DGKZ: variants seen among roughly 807,000 people sequenced by gnomAD.
DGKZ encodes DAG kinase zeta.
Under a neutral mutation model 142.5 loss-of-function variants are expected in DGKZ, and 45 were observed. That is an observed-to-expected ratio of 0.32 (90% CI 0.25 to 0.40). The LOEUF is 0.40. Among genes scored for constraint, DGKZ ranks in the 10% least tolerant of loss-of-function variants. The pLI, the probability that DGKZ is intolerant of heterozygous loss-of-function variation, is 1.00. For synonymous variants in DGKZ, 442 were observed against 527.0 expected (o/e 0.84, Z 2.21); for missense variants, 755 against 1,306.5 (o/e 0.58, Z 6.51).
In DGKZ at chr11:46,379,578, C is replaced by G; in HGVS notation, c.2688+10C>G. The G allele has an allele frequency of 6.3e-7, 1 of 1,599,882 alleles. No individual in the cohort carries two copies. Among genetic ancestry groups the G allele is most frequent in the Non-Finnish European group, 8.5e-7 (1 of 1,173,626 alleles). ...GAAGACAGACCAGCAGGTGAGCAGA[C>G]GGCAGGCAGGGAGCCCACGAGGGCA... is the stretch of plus-strand genomic sequence containing the variant. On this transcript the variant is annotated intron_variant, in intron 30 of 30. Transcript: ENST00000527911.
In DGKZ at chr11:46,367,225, A is replaced by G. The variant is rs1000596637; in HGVS notation, c.162-66A>G. 4.2e-6 allele frequency: 6 copies of G among 1,435,326 alleles called. No homozygotes were observed. The African/African-American group carries it at 7.1e-5, about 17-fold the overall frequency. The allele number at this position is 1,435,326 out of a possible 1,614,324, so 88.9% of individuals were successfully genotyped here. On this transcript the variant is annotated intron_variant, in intron 1 of 30. Coordinates refer to ENST00000527911, the Ensembl canonical transcript of DGKZ. This position sits in a 1 kb window ranked among gnomAD's most constrained non-coding sequence, Gnocchi z 4.1. ...AGGTCACGGAAAGGGCAGAGGCCCCAGGAGGTGGGAGGAAGTAGGGTCAGC... is the reference window on the plus strand; with the variant it reads ...AGGTCACGGAAAGGGCAGAGGCCCCGGGAGGTGGGAGGAAGTAGGGTCAGC...
intron 1 of DGKZ, among the ~76,000 whole-genome samples, chr11:46,351,660 C>CTCTCA (rs1941403443): frequency 6.6e-6 from 1 of 152,188 alleles, no homozygotes; most frequent in South Asian, 2.1e-4. Flanking sequence ...CTGGGAGCAG[C>CTCTCA]CCAGGTTGCT....
At chr11:46,363,811 A>G (rs1366547206) in intron 1 of DGKZ, among the ~76,000 whole-genome samples, 1 of 152,212 alleles carries the variant, frequency 6.6e-6, no homozygotes, top group Non-Finnish European at 1.5e-5. Flanking sequence ...GAGGGCTGGC[A>G]GGCCGGTGCC....
At chr11:46,363,386 A>G (rs1942893599) in intron 1 of DGKZ, among the ~76,000 whole-genome samples, 1 of 152,188 alleles carries the variant, frequency 6.6e-6, no homozygotes, top group Non-Finnish European at 1.5e-5. Flanking sequence ...CACACAGGGA[A>G]ACTGAGGCCC....
chr11:46,356,207 A>G (rs543959105), intron 1 of DGKZ, among the ~76,000 whole-genome samples: 1 of 152,258 alleles, frequency 6.6e-6, no homozygotes, highest in South Asian at 2.1e-4. Flanking sequence ...TTGGGAGGCT[A>G]AGGGAGATAT....
chr11:46,373,484 T>G (rs1426883670), intron 14 of DGKZ, among the ~76,000 whole-genome samples: 2 of 145,662 alleles, frequency 1.4e-5, no homozygotes, highest in East Asian at 3.9e-4. Flanking sequence ...TTTTTTTTTC[T>G]TGTTTTTTTT....
At chr11:46,351,761 T>C (rs7951870) in intron 1 of DGKZ, among the ~76,000 whole-genome samples, 50,359 of 152,108 alleles carry the variant, frequency 0.33, 14,101 homozygotes, top group African/African-American at 0.77. Context: ...TTCATCTCAC[T>C]GTGTTTGCTC....
exon 20 of DGKZ, chr11:46,375,537 A>C: frequency 2.5e-6 from 4 of 1,592,234 alleles, no homozygotes; most frequent in Non-Finnish European, 3.4e-6. Context: ...CGAGCCCTGC[A>C]AGCTTGCAGC....
chr11:46,353,723 G>C (rs1941679402), intron 1 of DGKZ, among the ~76,000 whole-genome samples: 1 of 152,074 alleles, frequency 6.6e-6, no homozygotes, highest in African/African-American at 2.4e-5. Context: ...TGAGAGGTCT[G>C]AGAGGAGAGG....
chr11:46,375,196 C>G, intron 19 of DGKZ, 151 bp downstream of exon 19: 2 of 844,232 alleles, frequency 2.4e-6, no homozygotes, highest in Admixed American at 2.8e-5. Context: ...CACCTACCCC[C>G]TCTCCTCACT....
Position 46,367,091 on chromosome 11 carries a change from ACT to A in DGKZ, c.162-197_162-196del. On this transcript the variant is annotated intron_variant, in intron 1 of 30. Coordinates refer to ENST00000527911, the Ensembl canonical transcript of DGKZ. This position sits in a 1 kb window ranked among gnomAD's most constrained non-coding sequence, Gnocchi z 4.1. ...GGCTGAGGGTTCCCCACTTGGGAAC[ACT>A]CTGGGCAGTACCCTGAAGCCAGCGT... The A allele has an allele frequency of 2.9e-6, 4 of 1,381,870 alleles. No homozygotes were observed. The highest frequency in any genetic ancestry group is 1.4e-5 in the African/African-American group (1 of 69,364). 85.6% of individuals were successfully genotyped at this position (1,381,870 alleles called of 1,614,324 possible).
intron 1 of DGKZ, chr11:46,366,629 G>T: frequency 6.2e-7 from 1 of 1,606,236 alleles, no homozygotes; most frequent in Non-Finnish European, 8.5e-7. Context: ...TGTCCAGGAG[G>T]ATGTGGTAGC....
At position 46,347,874 on chromosome 11, in the gene DGKZ, C is replaced by G; in HGVS notation, c.161+54C>G. On this transcript the variant is annotated intron_variant, in intron 1 of 30. Transcript: ENST00000527911. This position sits in a 1 kb window ranked among gnomAD's most constrained non-coding sequence, Gnocchi z 6.4. Reference sequence around the variant, plus strand: ...CGAGGCACCGGCAGGTTACCGCTCCCTCACCGGGGGACATTCCTCGGCCAC... The same window carrying G: ...CGAGGCACCGGCAGGTTACCGCTCCGTCACCGGGGGACATTCCTCGGCCAC... The G allele has an allele frequency of 7.9e-7, 1 of 1,269,328 alleles. No homozygotes were observed. The highest frequency in any genetic ancestry group is 9.9e-7 in the Non-Finnish European group (1 of 1,005,836). The allele number at this position is 1,269,328 out of a possible 1,614,324, so 78.6% of individuals were successfully genotyped here. A position where few individuals can be genotyped will look rare whatever the true frequency, so the allele number is the denominator to read the frequency against.
At chr11:46,368,540 A>T in intron 4 of DGKZ, 2 of 325,654 alleles carry the variant, frequency 6.1e-6, no homozygotes, top group South Asian at 4.9e-5. Context: ...CACTGGGCAG[A>T]CGGGTCAAGG....
At chr11:46,371,990 CAA>C in intron 9 of DGKZ, 83 bp from the exon 10 acceptor site, 1 of 1,388,612 alleles carries the variant, frequency 7.2e-7, no homozygotes, top group Non-Finnish European at 1.0e-6. Context: ...AAAGAGGGAA[CAA>C]AGTCACCCAG....
chr11:46,379,375 C>A, intron 29 of DGKZ, 94 bp from the exon 30 acceptor site: 1 of 1,564,502 alleles, frequency 6.4e-7, no homozygotes, highest in Non-Finnish European at 8.7e-7. Flanking sequence ...TGCCCCAGAG[C>A]CCTGAACTTC....
At chr11:46,334,271 C>T (rs1226453707) in intron 1 of DGKZ, among the ~76,000 whole-genome samples, 1 of 152,212 alleles carries the variant, frequency 6.6e-6, no homozygotes. Flanking sequence ...CTTCCTCTTC[C>T]TCTCCCAAAC....
intron 1 of DGKZ, chr11:46,364,520 C>T: frequency 1.7e-6 from 2 of 1,211,030 alleles, no homozygotes; most frequent in South Asian, 1.5e-5. Flanking sequence ...CTGCCCTGAC[C>T]TCCCTGTCAT....
At chr11:46,333,746 A>G (rs938152608) in intron 1 of DGKZ, among the ~76,000 whole-genome samples, 2 of 152,120 alleles carry the variant, frequency 1.3e-5, no homozygotes, top group Non-Finnish European at 2.9e-5. Flanking sequence ...TAAGGAGAGG[A>G]AAGAGCCATG....
Sources: allele counts gnomAD v4.1 joint callset (sites outside exome capture counted in the v4.1 genomes callset), GRCh38; gene constraint gnomAD v4.1.1; non-coding constraint Gnocchi (gnomAD v3.1); transcripts MANE v1.5; gene names NCBI Gene and HGNC (gene_info 2026-07-23, HGNC 2026-07-21).